Variants in LRBA observed in about 807,000 individuals in gnomAD.
The protein encoded by LRBA is lipopolysaccharide-responsive and beige-like anchor protein.
A neutral mutation model predicts 330.0 loss-of-function variants in LRBA; 176 were observed. That is an observed-to-expected ratio of 0.53 (90% CI 0.47 to 0.60). The LOEUF (loss-of-function observed/expected upper bound fraction) is 0.60. Ranked by LOEUF, LRBA falls within the 20% of genes least tolerant of loss-of-function variation. The probability of loss-of-function intolerance (pLI) is 0.00; values close to 1 mark genes in which losing one functional copy is unlikely to be tolerated. For missense variants in LRBA, 3,259 were observed against 3,444.8 expected (o/e 0.95, Z 1.35); for synonymous variants, 1,230 against 1,193.0 (o/e 1.03, Z -0.64).
intron 44 of LRBA, among the ~76,000 whole-genome samples, chr4:150,464,325 A>C (rs927037816): frequency 2.0e-5 from 3 of 152,078 alleles, no homozygotes; most frequent in Non-Finnish European, 4.4e-5. Flanking sequence ...CCCAAAAATG[A>C]TATTTTTACT....
chr4:150,877,274 AAGAG>A (rs1754154299), intron 17 of LRBA, among the ~76,000 whole-genome samples: 1 of 151,066 alleles, frequency 6.6e-6, no homozygotes, highest in Admixed American at 6.6e-5. Flanking sequence ...AAAAAAAAAA[AAGAG>A]AGACCTATTT....
chr4:150,424,875 C>A (rs1281671110), intron 46 of LRBA, among the ~76,000 whole-genome samples: 1 of 152,222 alleles, frequency 6.6e-6, no homozygotes, highest in East Asian at 1.9e-4. Flanking sequence ...TGTACTTAAA[C>A]TATATTGCAG....
At chr4:150,580,958 G>T (rs1158489287) in intron 40 of LRBA, 1 of 152,980 alleles carries the variant, frequency 6.5e-6, no homozygotes, top group Non-Finnish European at 1.5e-5. Flanking sequence ...ATGAAACTCT[G>T]TACCTGTACC....
intron 40 of LRBA, among the ~76,000 whole-genome samples, chr4:150,534,366 TAATAATAATAA>T (rs1561314832): frequency 1.3e-5 from 2 of 148,226 alleles, no homozygotes; most frequent in Non-Finnish European, 3.0e-5. Context: ...ATAATAATAA[TAATAATAATAA>T]TTTTTTTTAA....
At chr4:150,959,842 A>G (rs1737943150) in intron 2 of LRBA, among the ~76,000 whole-genome samples, 1 of 146,056 alleles carries the variant, frequency 6.8e-6, no homozygotes, top group Non-Finnish European at 1.5e-5. Flanking sequence ...GAATGTAAAT[A>G]CACAAAGAAT....
intron 34 of LRBA, among the ~76,000 whole-genome samples, chr4:150,788,418 C>T (rs544737021): frequency 1.3e-5 from 2 of 151,834 alleles, no homozygotes; most frequent in South Asian, 4.2e-4. Flanking sequence ...CTTAATATAC[C>T]CATTTCACTT....
intron 42 of LRBA, among the ~76,000 whole-genome samples, chr4:150,484,609 T>C (rs945615827): frequency 2.6e-5 from 4 of 151,802 alleles, no homozygotes; most frequent in Admixed American, 2.0e-4. Context: ...TTACACTGAT[T>C]TTTTTCTCTA....
chr4:150,322,615 T>A (rs1732668891), intron 49 of LRBA, among the ~76,000 whole-genome samples: 1 of 152,196 alleles, frequency 6.6e-6, no homozygotes, highest in African/African-American at 2.4e-5. Flanking sequence ...TTTAAAAAAG[T>A]TATTAAGAGT....
At chr4:150,761,912 A>C in intron 34 of LRBA, 65 bp from the exon 35 acceptor site, 1 of 829,468 alleles carries the variant, frequency 1.2e-6, no homozygotes. Flanking sequence ...TTTTAAAACA[A>C]TAATAATGAA....
chr4:150,952,024 C>T (rs148448049), intron 2 of LRBA, among the ~76,000 whole-genome samples: 40 of 152,286 alleles, frequency 2.6e-4, no homozygotes, highest in African/African-American at 7.5e-4. Flanking sequence ...TTGCTGTTTG[C>T]AAATGTATCT....
intron 40 of LRBA, among the ~76,000 whole-genome samples, chr4:150,558,277 G>C (rs1372851165): frequency 6.6e-6 from 1 of 152,018 alleles, no homozygotes; most frequent in Admixed American, 6.6e-5. Context: ...CATTTCTTTT[G>C]GGGGGAGTAT....
At position 150,817,107 on chromosome 4, in the gene LRBA, A is replaced by G. The variant is rs1220058076; in HGVS notation, c.5305+17T>C. 6.2e-7 allele frequency: 1 copy of G among 1,604,332 alleles called. No individual in the cohort carries two copies. The highest frequency in any genetic ancestry group is 8.5e-7 in the Non-Finnish European group (1 of 1,175,948). On this transcript the variant is annotated intron_variant, in intron 31 of 56. Coordinates refer to ENST00000651943, the MANE Select transcript of LRBA (RefSeq NM_001364905.1). ...ATCTAAAAACATTTTTGTTGAAATC[A>G]CTGATAACTAACTCACCTGGTGATT...
intron 16 of LRBA, 35 bp downstream of exon 16, chr4:150,896,359 A>C: frequency 1.7e-6 from 2 of 1,173,550 alleles, no homozygotes; most frequent in Non-Finnish European, 2.5e-6. Flanking sequence ...TAGCTTCAAA[A>C]ATTAAAATTT....
rs768109580 is a variant in LRBA, at chr4:150,325,827, T to C, written c.7434A>G (p.Arg2478=). 1.9e-6 allele frequency: 3 copies of C among 1,613,082 alleles called. No homozygotes were observed. The African/African-American group carries it at 4.0e-5, about 22-fold the overall frequency. The change falls in exon 49 of 57, where the codon AGA becomes AGG. Residue 2478 remains arginine (R), a synonymous_variant. Coordinates refer to ENST00000651943, the MANE Select transcript of LRBA (RefSeq NM_001364905.1). ...SQLLIEPHPP[R]GSAMQVSPLM... is the part of the protein sequence containing the mutation. The stretch of plus-strand genomic sequence containing the variant: ...CACTTACCACTTGCATGGCAGAACC[T>C]CTGGGAGGATGGGGCTCTATGAGTA...
chr4:150,868,942 A>C (rs1182725023), intron 20 of LRBA, among the ~76,000 whole-genome samples: 1 of 152,222 alleles, frequency 6.6e-6, no homozygotes, highest in African/African-American at 2.4e-5. Flanking sequence ...TGTCTCAAAA[A>C]AAAATAATGA....
rs564531186 is a variant in LRBA, at chr4:150,269,246, AACTT to A, written c.8469-3438_8469-3435del. On this transcript the variant is annotated intron_variant, in intron 56 of 56. Coordinates refer to ENST00000651943, the MANE Select transcript of LRBA (RefSeq NM_001364905.1). ...GCAGTTGCACATTTTCTGATTTGAAAACTTACTTACTGTTGTTACAATGCGACAG... is the reference window on the plus strand; with the variant it reads ...GCAGTTGCACATTTTCTGATTTGAAAACTTACTGTTGTTACAATGCGACAG... Among the ~76,000 whole-genome samples the A allele has an allele frequency of 2.4e-4, 37 of 152,314 alleles. No homozygotes were observed. In the South Asian group the frequency reaches 4.3e-3, roughly 18 times the overall value.
At chr4:150,285,726 A>T (rs1748060018) in intron 54 of LRBA, among the ~76,000 whole-genome samples, 1 of 152,258 alleles carries the variant, frequency 6.6e-6, no homozygotes, top group Non-Finnish European at 1.5e-5. Flanking sequence ...ATATGTGAGT[A>T]CTGAGGACCT....
chr4:150,512,500 T>G (rs1197411011), intron 40 of LRBA, among the ~76,000 whole-genome samples: 3 of 152,028 alleles, frequency 2.0e-5, no homozygotes, highest in African/African-American at 7.2e-5. Flanking sequence ...GGGATTATAA[T>G]AAGAGACTCC....
intron 53 of LRBA, among the ~76,000 whole-genome samples, chr4:150,301,808 T>G (rs1412933575): frequency 6.6e-6 from 1 of 152,144 alleles, no homozygotes; most frequent in African/African-American, 2.4e-5. Flanking sequence ...ATTAAGAAAC[T>G]GTAAATATTT....
Sources: gnomAD v4.1 joint callset for allele counts (sites outside exome capture counted in the v4.1 genomes callset) on GRCh38, gnomAD v4.1.1 for gene constraint, MANE v1.5 for transcripts, NCBI Gene and HGNC (gene_info 2026-07-23, HGNC 2026-07-21) for gene names.